The following RASSF3 variants were observed in gnomAD, a reference collection of about 807,000 sequenced individuals.
The protein encoded by RASSF3 is Ras association domain family member 3.
RASSF3 carries 19 observed loss-of-function variants against 19.9 expected under a neutral mutation model. The ratio of observed to expected loss-of-function variants is 0.96; its 90% CI spans 0.67 to 1.40. The LOEUF (loss-of-function observed/expected upper bound fraction) is 1.40, where lower values mean the gene tolerates loss of function less well. Among genes scored for constraint, RASSF3 ranks in the 40% most tolerant of loss-of-function variants. The probability of loss-of-function intolerance (pLI) is 0.00; values close to 1 mark genes in which losing one functional copy is unlikely to be tolerated. For missense variants in RASSF3, 306 were observed against 289.8 expected, an observed-to-expected ratio of 1.06 and a Z score of -0.41; for synonymous variants, 110 against 104.2, an observed-to-expected ratio of 1.06 and a Z score of -0.34.
intron 1 of RASSF3, among the ~76,000 whole-genome samples, chr12:64,644,794 A>G (rs1171991700): frequency 2.0e-5 from 3 of 152,188 alleles, no homozygotes; most frequent in Non-Finnish European, 4.4e-5. Flanking sequence ...TACATATGCC[A>G]TGTTTATCCT....
chr12:64,695,000 GC>G lies in RASSF3; in HGVS notation c.*92del. On this transcript the variant is annotated 3_prime_UTR_variant, in exon 5 of 5. Transcript: ENST00000542104. ...TCTCTTCTCAGAGGGCTGCTGTCTT[GC>G]CCCACTATGCTAGGGTCTTCGCCTT... 1 of 1,419,350 alleles carries G rather than the reference GC, an allele frequency of 7.0e-7. No individual in the cohort carries two copies. 87.9% of individuals were successfully genotyped at this position (1,419,350 alleles called of 1,614,324 possible).
At chr12:64,527,192 A>T (rs1260569107) in intron 1 of RASSF3, among the ~76,000 whole-genome samples, 1 of 152,194 alleles carries the variant, frequency 6.6e-6, no homozygotes, top group Non-Finnish European at 1.5e-5. Flanking sequence ...ATTGAGTCCC[A>T]GTGAGTCCTT....
At chr12:64,637,833 ATTT>A (rs751326161) in intron 1 of RASSF3, among the ~76,000 whole-genome samples, 1 of 131,944 alleles carries the variant, frequency 7.6e-6, no homozygotes. Flanking sequence ...TAGTTATCAG[ATTT>A]TTTTTTTTTT....
At chr12:64,631,854 G>C (rs1428074669) in intron 1 of RASSF3, among the ~76,000 whole-genome samples, 2 of 152,012 alleles carry the variant, frequency 1.3e-5, no homozygotes, top group East Asian at 1.9e-4. Flanking sequence ...GGATTACAGG[G>C]GAGAGCCACC....
intron 1 of RASSF3, among the ~76,000 whole-genome samples, chr12:64,536,434 A>C (rs1868829184): frequency 2.0e-5 from 3 of 152,204 alleles, no homozygotes; most frequent in African/African-American, 4.8e-5. Flanking sequence ...CAAAAGAATA[A>C]ATGTTTCCTG....
At chr12:64,510,235 G>A (rs1389576806) in intron 1 of RASSF3, among the ~76,000 whole-genome samples, 1 of 152,068 alleles carries the variant, frequency 6.6e-6, no homozygotes, top group Non-Finnish European at 1.5e-5. Context: ...TTTTGTATGT[G>A]GGCAGTCAAT....
intron 1 of RASSF3, among the ~76,000 whole-genome samples, chr12:64,651,660 GGTTGTT>G (rs1197504388): frequency 6.6e-6 from 1 of 151,796 alleles, no homozygotes; most frequent in Non-Finnish European, 1.5e-5. Context: ...ATGCCTGGCT[GGTTGTT>G]GTTGTTTTTG....
At chr12:64,648,520 C>CTT (rs796182763) in intron 1 of RASSF3, among the ~76,000 whole-genome samples, 2 of 143,450 alleles carry the variant, frequency 1.4e-5, no homozygotes, top group Non-Finnish European at 3.1e-5. Flanking sequence ...ACTCATAAAG[C>CTT]TTTTTTTTTT....
Position 64,597,179 on chromosome 12 carries a change from C to CAGA in RASSF3, c.294+55474_294+55475insAGA, listed in dbSNP as rs1870011382. Among the ~76,000 whole-genome samples the CAGA allele has an allele frequency of 5.9e-5, 9 of 152,260 alleles. No homozygotes were observed. In the South Asian group the frequency reaches 1.7e-3, roughly 28 times the overall value. On this transcript the variant is annotated intron_variant, in intron 2 of 5. Transcript: ENST00000637125. The stretch of plus-strand genomic sequence containing the variant: ...ATGGAGCCTTGCTCTGTTGCCCAGA[C>CAGA]TGGAGTGCAGTGGCTCGATCTTCGC...
At chr12:64,527,680 A>C (rs995108369) in intron 1 of RASSF3, among the ~76,000 whole-genome samples, 5 of 152,232 alleles carry the variant, frequency 3.3e-5, no homozygotes, top group Middle Eastern at 3.2e-3. Context: ...CATGCCTGTA[A>C]TCCCAGCATT....
At chr12:64,626,821 T>C (rs1871013394) in intron 1 of RASSF3, among the ~76,000 whole-genome samples, 1 of 152,226 alleles carries the variant, frequency 6.6e-6, no homozygotes, top group African/African-American at 2.4e-5. Flanking sequence ...TGCCTTGGCC[T>C]CCCAAAGTGT....
chr12:64,695,263 G>T lies in RASSF3; in HGVS notation c.*351G>T. ...ATGCTGTTAAGCTTACAGATATGCA[G>T]TTGATTTTTTAAAAAGCTTAACTAG... On this transcript the variant is annotated 3_prime_UTR_variant, in exon 5 of 5. Transcript: ENST00000542104. 1 of 183,804 alleles carries T rather than the reference G, an allele frequency of 5.4e-6. No individual in the cohort carries two copies. The highest frequency in any genetic ancestry group is 1.1e-5 in the Non-Finnish European group (1 of 89,224). 11.4% of individuals were successfully genotyped at this position (183,804 alleles called of 1,614,324 possible).
At chr12:64,559,510 C>A (rs990475901) in intron 2 of RASSF3, among the ~76,000 whole-genome samples, 3 of 152,148 alleles carry the variant, frequency 2.0e-5, no homozygotes, top group Non-Finnish European at 2.9e-5. Flanking sequence ...ACCTCGTGAT[C>A]TGCCCACCTC....
intron 1 of RASSF3, among the ~76,000 whole-genome samples, chr12:64,675,954 A>T (rs1432224818): frequency 6.6e-6 from 1 of 151,952 alleles, no homozygotes; most frequent in Non-Finnish European, 1.5e-5. Flanking sequence ...GGGGGAAAAA[A>T]ATCCCAGCCC....
At chr12:64,675,045 G>GCCCCCA (rs1872835296) in intron 1 of RASSF3, among the ~76,000 whole-genome samples, 1 of 57,490 alleles carries the variant, frequency 1.7e-5, no homozygotes, top group African/African-American at 7.6e-5. Flanking sequence ...TACCCACCTA[G>GCCCCCA]CCCCCCCCCC....
intron 2 of RASSF3, among the ~76,000 whole-genome samples, chr12:64,562,459 A>G (rs543259665): frequency 3.6e-4 from 55 of 152,212 alleles, no homozygotes; most frequent in Non-Finnish European, 7.2e-4. Context: ...GAGTGAATGA[A>G]ATGCACTTCA....
chr12:64,580,771 C>T (rs1869681762), intron 2 of RASSF3, among the ~76,000 whole-genome samples: 1 of 152,036 alleles, frequency 6.6e-6, no homozygotes, highest in African/African-American at 2.4e-5. Context: ...CCAATCTCTG[C>T]CTTTGTCACA....
At chr12:64,653,163 G>C (rs1405476187) in intron 1 of RASSF3, among the ~76,000 whole-genome samples, 2 of 152,148 alleles carry the variant, frequency 1.3e-5, no homozygotes, top group Non-Finnish European at 2.9e-5. Flanking sequence ...TGATCTTCCA[G>C]GCTCAACTGA....
At chr12:64,577,360 A>G (rs906073140) in intron 2 of RASSF3, among the ~76,000 whole-genome samples, 2 of 152,240 alleles carry the variant, frequency 1.3e-5, no homozygotes, top group African/African-American at 4.8e-5. Flanking sequence ...TTAAAAATTA[A>G]TGAGGTGCAT....
Sources: allele counts gnomAD v4.1 joint callset (sites outside exome capture counted in the v4.1 genomes callset), GRCh38; gene constraint gnomAD v4.1.1; transcripts MANE v1.5; gene names NCBI Gene and HGNC (gene_info 2026-07-23, HGNC 2026-07-21).